Variants in CAST observed in about 807,000 individuals in gnomAD.
CAST encodes the protein calpastatin.
A neutral mutation model predicts 119.6 loss-of-function variants in CAST; 76 were observed. That is an observed-to-expected ratio of 0.64 (90% CI 0.53 to 0.77). CAST has a LOEUF of 0.77. Among genes scored for constraint, CAST ranks in the 30% least tolerant of loss-of-function variants. The pLI, the probability that CAST is intolerant of heterozygous loss-of-function variation, is 0.00. For missense variants in CAST, 953 were observed against 946.5 expected (o/e 1.01, Z -0.09); for synonymous variants, 319 against 331.6 (o/e 0.96, Z 0.41).
At chr5:96,702,127 C>T (rs949458540) in intron 3 of CAST, among the ~76,000 whole-genome samples, 5 of 152,112 alleles carry the variant, frequency 3.3e-5, no homozygotes, top group African/African-American at 1.2e-4. Context: ...TCACTCACAC[C>T]CCAAGTTCAG....
chr5:96,152,312 T>A, the CAST span, among the ~76,000 whole-genome samples: 3 of 151,602 alleles, frequency 2.0e-5, no homozygotes, highest in South Asian at 6.3e-4. Context: ...CCAGGGAGAG[T>A]GTCTGCAGGA....
the CAST span, among the ~76,000 whole-genome samples, chr5:96,176,727 C>T: frequency 6.6e-6 from 1 of 152,150 alleles, no homozygotes; most frequent in East Asian, 1.9e-4. Context: ...TTCCTGAGCC[C>T]CTTCTGATAA....
At chr5:96,132,259 AT>A in the CAST span, among the ~76,000 whole-genome samples, 1 of 151,922 alleles carries the variant, frequency 6.6e-6, no homozygotes, top group Admixed American at 6.6e-5. Flanking sequence ...GGAAATAGCC[AT>A]TTTTTCTTTT....
the CAST span, among the ~76,000 whole-genome samples, chr5:96,037,056 T>G: frequency 3.9e-5 from 6 of 152,084 alleles, no homozygotes; most frequent in African/African-American, 1.2e-4. Flanking sequence ...AATCTAGTCT[T>G]GACACTAATA....
the CAST span, among the ~76,000 whole-genome samples, chr5:96,030,282 A>G: frequency 2.6e-5 from 4 of 152,146 alleles, no homozygotes; most frequent in Non-Finnish European, 5.9e-5. Context: ...TCAAGATAGG[A>G]TGATAGAACA....
the CAST span, among the ~76,000 whole-genome samples, chr5:96,369,584 C>T: frequency 6.6e-6 from 1 of 152,132 alleles, no homozygotes; most frequent in Non-Finnish European, 1.5e-5. Flanking sequence ...TAGATCTTTT[C>T]TCTTGGGAAG....
At chr5:96,318,022 C>A in the CAST span, among the ~76,000 whole-genome samples, 3 of 152,152 alleles carry the variant, frequency 2.0e-5, no homozygotes, top group African/African-American at 7.2e-5. Flanking sequence ...GCTATCATGG[C>A]GTGGTCAGTT....
chr5:96,655,455 A>G (rs762373434), intron 1 of CAST, among the ~76,000 whole-genome samples: 3 of 152,204 alleles, frequency 2.0e-5, no homozygotes, highest in Non-Finnish European at 2.9e-5. Flanking sequence ...CTGGACAAGA[A>G]GAAATGGATT....
At chr5:96,284,946 C>G in the CAST span, among the ~76,000 whole-genome samples, 12 of 152,164 alleles carry the variant, frequency 7.9e-5, no homozygotes, top group Non-Finnish European at 1.5e-4. Flanking sequence ...TACAAGTCAG[C>G]AAAATAACAC....
the CAST span, among the ~76,000 whole-genome samples, chr5:96,303,951 T>G: frequency 6.6e-6 from 1 of 152,194 alleles, no homozygotes; most frequent in Non-Finnish European, 1.5e-5. Flanking sequence ...TTATAATCCT[T>G]TGGGTATATA....
chr5:96,722,717 G>A lies in CAST; in HGVS notation c.270+19G>A, dbSNP rs369472020. The A allele has an allele frequency of 4.2e-5, 66 of 1,570,248 alleles. No homozygotes were observed. The highest frequency in any genetic ancestry group is 5.4e-5 in the Non-Finnish European group (61 of 1,140,104). On this transcript the variant is annotated intron_variant, in intron 4 of 31. Coordinates refer to ENST00000675179, the MANE Select transcript of CAST (RefSeq NM_001750.7). ...AACCAAGGTATGAAGAATGCTAATT[G>A]AGTGAGTGCTAATTTAAGTTGATTG...
chr5:96,741,060 C>A (rs1762559792), intron 13 of CAST: 2 of 593,872 alleles, frequency 3.4e-6, no homozygotes, highest in African/African-American at 3.7e-5. Flanking sequence ...AATGTAACTC[C>A]TTTTGAAAGG....
chr5:96,662,125 A>G (rs1046952638), upstream of CAST: 1 of 334,994 alleles, frequency 3.0e-6, no homozygotes, highest in Non-Finnish European at 5.4e-6. Context: ...TTTCTGACCA[A>G]CCGGGACCAG....
chr5:96,183,309 T>C, the CAST span, among the ~76,000 whole-genome samples: 1 of 151,530 alleles, frequency 6.6e-6, no homozygotes, highest in Non-Finnish European at 1.5e-5. Context: ...TGTAATTTGC[T>C]ATTTACCAGT....
the CAST span, chr5:96,391,144 A>G: frequency 2.4e-4 from 36 of 152,238 alleles, no homozygotes; most frequent in African/African-American, 8.7e-4. Context: ...GAAACTTCCA[A>G]GGACAGAGTG....
At chr5:96,154,899 A>G in the CAST span, among the ~76,000 whole-genome samples, 64 of 152,216 alleles carry the variant, frequency 4.2e-4, 1 homozygote, top group Non-Finnish European at 2.9e-5. Flanking sequence ...TTTCCCCACT[A>G]TGAATGTACT....
chr5:96,754,243 GT>G, intron 21 of CAST, 82 bp downstream of exon 21: 1 of 878,976 alleles, frequency 1.1e-6, no homozygotes, highest in South Asian at 1.4e-5. Context: ...CATTTGTTTT[GT>G]TTTTTATATT....
the CAST span, among the ~76,000 whole-genome samples, chr5:96,245,484 C>T: frequency 6.6e-6 from 1 of 152,120 alleles, no homozygotes; most frequent in Non-Finnish European, 1.5e-5. Context: ...CTTAGTTTCA[C>T]ACTATATACT....
the CAST span, chr5:96,049,966 A>G: frequency 4.0e-5 from 6 of 151,156 alleles, no homozygotes; most frequent in Non-Finnish European, 8.8e-5. Context: ...ATGGTCCTAT[A>G]TATTAAAAGT....
Sources: allele counts gnomAD v4.1 joint callset (sites outside exome capture counted in the v4.1 genomes callset), GRCh38; gene constraint gnomAD v4.1.1; transcripts MANE v1.5; gene names NCBI Gene and HGNC (gene_info 2026-07-23, HGNC 2026-07-21).